APLF: variants seen among roughly 807,000 people sequenced by gnomAD.
The protein encoded by APLF is aprataxin and PNK-like factor.
APLF carries 61 observed loss-of-function variants against 55.6 expected under a neutral mutation model. That is an observed-to-expected ratio of 1.10 (90% confidence interval 0.89 to 1.36). The LOEUF (loss-of-function observed/expected upper bound fraction) is 1.36, where lower values mean the gene tolerates loss of function less well. APLF is among the 40% of genes most tolerant of loss of function. The probability of loss-of-function intolerance (pLI) is 0.00; values close to 1 mark genes in which losing one functional copy is unlikely to be tolerated. For synonymous variants in APLF, 207 were observed against 214.8 expected (o/e 0.96, Z 0.32); for missense variants, 611 against 602.5 (o/e 1.01, Z -0.15).
At chr2:68,502,970 C>G in intron 3 of APLF, 67 bp downstream of exon 3, 1 of 1,513,140 alleles carries the variant, frequency 6.6e-7, no homozygotes, top group Non-Finnish European at 9.0e-7. Flanking sequence ...ATCACAAATC[C>G]TTCGGTAGGA....
At chr2:68,490,014 C>T (rs993233111) in intron 1 of APLF, among the ~76,000 whole-genome samples, 176 bp from the exon 2 acceptor site, 1 of 151,940 alleles carries the variant, frequency 6.6e-6, no homozygotes, top group Non-Finnish European at 1.5e-5. Flanking sequence ...TTTTTTTAAT[C>T]TCATTATTTG....
chr2:68,483,029 T>C (rs1299346577), intron 1 of APLF, among the ~76,000 whole-genome samples: 5 of 152,012 alleles, frequency 3.3e-5, no homozygotes, highest in Non-Finnish European at 7.4e-5. Flanking sequence ...ACTGGAGTCA[T>C]TGCATTACAG....
intron 2 of APLF, among the ~76,000 whole-genome samples, chr2:68,499,707 C>T (rs1398740420): frequency 8.6e-5 from 13 of 151,982 alleles, no homozygotes; most frequent in African/African-American, 2.4e-4. Context: ...GTTGTGGTGG[C>T]GGGCGCCTGT....
At chr2:68,496,408 CT>C (rs527683464) in intron 2 of APLF, among the ~76,000 whole-genome samples, 2 of 151,322 alleles carry the variant, frequency 1.3e-5, no homozygotes, top group African/African-American at 2.4e-5. Flanking sequence ...CCCAGCCTGA[CT>C]TTTTTTTTAG....
chr2:68,567,388 G>A lies in APLF; in HGVS notation c.1333+1G>A. ...GAATATAGACATAATACGCTTCCAGGTAAGTAAGTTTACTTCAGAAAATTC... is the reference window on the plus strand; with the variant it reads ...GAATATAGACATAATACGCTTCCAGATAAGTAAGTTTACTTCAGAAAATTC... On this transcript the variant is annotated splice_donor_variant, in intron 9 of 9. Coordinates refer to ENST00000303795, the MANE Select transcript of APLF (RefSeq NM_173545.3). LOFTEE classifies it high-confidence loss of function. 1.9e-6 allele frequency: 3 copies of A among 1,595,320 alleles called. No individual in the cohort carries two copies. The highest frequency in any genetic ancestry group is 2.6e-6 in the Non-Finnish European group (3 of 1,170,970).
chr2:68,510,307 C>T lies in APLF; in HGVS notation c.342-2773C>T, dbSNP rs138471165. 1.4e-4 allele frequency among the ~76,000 whole-genome samples: 22 copies of T among 151,910 alleles called. No homozygotes were observed. The East Asian group carries it at 4.3e-3, about 30-fold the overall frequency. ...AAATCACATATAACAGACTTATATT[C>T]AGAATATCTAAAGAATCCTCAACAA... On this transcript the variant is annotated intron_variant, in intron 3 of 9. Transcript: ENST00000303795.
intron 1 of APLF, among the ~76,000 whole-genome samples, chr2:68,472,483 G>A (rs976717889): frequency 6.6e-6 from 1 of 152,110 alleles, no homozygotes; most frequent in African/African-American, 2.4e-5. Flanking sequence ...TGACTCCCCA[G>A]ACCCCTTAGA....
chr2:68,552,265 T>C (rs151038243), intron 8 of APLF, among the ~76,000 whole-genome samples: 2 of 152,202 alleles, frequency 1.3e-5, no homozygotes, highest in East Asian at 3.9e-4. Flanking sequence ...CTCTCACACC[T>C]CTCAGGGAAC....
rs1671673810 is a variant in APLF, at chr2:68,578,291, G to A, written c.*269G>A. On this transcript the variant is annotated 3_prime_UTR_variant, in exon 10 of 10. Coordinates refer to ENST00000303795, the MANE Select transcript of APLF (RefSeq NM_173545.3). ...TAGAGTAAAAATGGATATTTTTTATGTACTTTGTATATTGGTAATAAAAAG... is the reference window on the plus strand; with the variant it reads ...TAGAGTAAAAATGGATATTTTTTATATACTTTGTATATTGGTAATAAAAAG... 1.7e-6 allele frequency: 2 copies of A among 1,166,764 alleles called. No individual in the cohort carries two copies. Among genetic ancestry groups the A allele is most frequent in the African/African-American group, 1.6e-5 (1 of 62,656 alleles). The allele number at this position is 1,166,764 out of a possible 1,614,324, so 72.3% of individuals were successfully genotyped here. A position where few individuals can be genotyped will look rare whatever the true frequency, so the allele number is the denominator to read the frequency against.
At chr2:68,551,468 C>G (rs1011131744) in intron 8 of APLF, among the ~76,000 whole-genome samples, 2 of 151,952 alleles carry the variant, frequency 1.3e-5, no homozygotes, top group African/African-American at 4.8e-5. Flanking sequence ...TCTTGTACTC[C>G]AACTAAACAT....
chr2:68,513,289 A>G, intron 4 of APLF, 62 bp downstream of exon 4: 1 of 1,511,334 alleles, frequency 6.6e-7, no homozygotes, highest in Non-Finnish European at 8.9e-7. Context: ...GAAGGCAGAA[A>G]AGACAACTGA....
chr2:68,547,054 A>C (rs981729123), intron 8 of APLF, among the ~76,000 whole-genome samples: 1 of 151,852 alleles, frequency 6.6e-6, no homozygotes. Context: ...TACTGGATAC[A>C]AAAATCAATA....
At chr2:68,503,163 C>CT (rs1676775457) in intron 3 of APLF, among the ~76,000 whole-genome samples, 1 of 152,070 alleles carries the variant, frequency 6.6e-6, no homozygotes, top group South Asian at 2.1e-4. Context: ...CAGGTGGTGT[C>CT]TTTTACCATT....
At chr2:68,518,933 T>G (rs1244270364) in intron 5 of APLF, among the ~76,000 whole-genome samples, 1 of 124,228 alleles carries the variant, frequency 8.0e-6, no homozygotes, top group Non-Finnish European at 1.6e-5. Context: ...TCATTAATAT[T>G]AATATATTAT....
Position 68,539,595 on chromosome 2 carries a change from T to C in APLF, c.1160+1368T>C, listed in dbSNP as rs563412724. ...CACTGGAAATTAGGGCTTCAACATA[T>C]GAATTTTGGGAGGTGGGGAACAATG... On this transcript the variant is annotated intron_variant, in intron 7 of 9. Transcript: ENST00000303795. Among the ~76,000 whole-genome samples the C allele has an allele frequency of 3.9e-5, 6 of 152,316 alleles. 1 individual carries two copies. The highest frequency in any genetic ancestry group is 2.0e-4 in the Admixed American group (3 of 15,298).
chr2:68,537,756 A>C lies in APLF; in HGVS notation c.805-116A>C, dbSNP rs954381878. The C allele has an allele frequency of 6.9e-6, 5 of 725,490 alleles. No individual in the cohort carries two copies. In the African/African-American group the frequency reaches 9.1e-5, roughly 13 times the overall value. The allele number at this position is 725,490 out of a possible 1,614,324, so 44.9% of individuals were successfully genotyped here. A position where few individuals can be genotyped will look rare whatever the true frequency, so the allele number is the denominator to read the frequency against. ...TGGCATTTAAGAACTTTAAAATGTG[A>C]ATCTTGAAGTTTTAAGTTTACATTT... On this transcript the variant is annotated intron_variant, in intron 6 of 9. Coordinates refer to ENST00000303795, the MANE Select transcript of APLF (RefSeq NM_173545.3).
At chr2:68,516,965 A>T (rs1422055654) in intron 5 of APLF, among the ~76,000 whole-genome samples, 2 of 123,882 alleles carry the variant, frequency 1.6e-5, no homozygotes, top group East Asian at 2.1e-4. Flanking sequence ...AATATATAAT[A>T]ATATAATATA....
chr2:68,569,314 A>G (rs987155779), intron 9 of APLF, among the ~76,000 whole-genome samples: 2 of 152,090 alleles, frequency 1.3e-5, no homozygotes, highest in Non-Finnish European at 2.9e-5. Context: ...TATCAGGTAG[A>G]CTTGATATGA....
At position 68,538,120 on chromosome 2, in the gene APLF, C is replaced by A. The variant is rs1471492824; in HGVS notation, c.1053C>A (p.Pro351=). Residue 351 remains proline, a synonymous_variant, in exon 7 of 10, where the codon CCC becomes CCA. Coordinates refer to ENST00000303795, the MANE Select transcript of APLF (RefSeq NM_173545.3). ...CTCATTCTGAGTCCAGCTCTAATCCCTCCAATCCTGAAACTTTGCATGCAA... is the reference window on the plus strand; with the variant it reads ...CTCATTCTGAGTCCAGCTCTAATCCATCCAATCCTGAAACTTTGCATGCAA... ...QGSHSESSSN[P]SNPETLHAKA... 1.2e-6 allele frequency: 2 copies of A among 1,614,114 alleles called. No individual in the cohort carries two copies. The highest frequency in any genetic ancestry group is 2.2e-5 in the East Asian group (1 of 44,878).
Sources: allele counts gnomAD v4.1 joint callset (sites outside exome capture counted in the v4.1 genomes callset), GRCh38; gene constraint gnomAD v4.1.1; transcripts MANE v1.5; gene names NCBI Gene and HGNC (gene_info 2026-07-23, HGNC 2026-07-21).